CDH18: variants seen among roughly 807,000 people sequenced by gnomAD.
CDH18 encodes cadherin-18.
Under a neutral mutation model 67.9 loss-of-function variants are expected in CDH18, and 31 were observed. The observed-to-expected ratio is 0.46, with a 90% CI of 0.34 to 0.62. CDH18 has a LOEUF of 0.62. CDH18 is among the 20% of genes least tolerant of loss of function. The pLI, the probability that CDH18 is intolerant of heterozygous loss-of-function variation, is 0.01. For synonymous variants in CDH18, 362 were observed against 347.2 expected (o/e 1.04, Z -0.48); for missense variants, 890 against 975.5 (o/e 0.91, Z 1.17).
At chr5:19,851,994 G>T (rs1292450028) in intron 2 of CDH18, among the ~76,000 whole-genome samples, 2 of 152,010 alleles carry the variant, frequency 1.3e-5, no homozygotes, top group Non-Finnish European at 2.9e-5. Flanking sequence ...ATAATTAAAT[G>T]CATCTCAGAA....
At chr5:20,537,939 C>A (rs1756822048) in intron 1 of CDH18, among the ~76,000 whole-genome samples, 1 of 152,076 alleles carries the variant, frequency 6.6e-6, no homozygotes, top group Non-Finnish European at 1.5e-5. Flanking sequence ...TAGCACAAAT[C>A]AATTTTAAAT....
At chr5:19,570,909 G>A (rs1161185853) in intron 8 of CDH18, among the ~76,000 whole-genome samples, 1 of 152,144 alleles carries the variant, frequency 6.6e-6, no homozygotes, top group Non-Finnish European at 1.5e-5. Context: ...TGGAATTTGA[G>A]ATTCCACATG....
chr5:19,476,339 G>T (rs981490866), intron 12 of CDH18, among the ~76,000 whole-genome samples: 1 of 152,016 alleles, frequency 6.6e-6, no homozygotes, highest in South Asian at 2.1e-4. Flanking sequence ...AAATGTTGGT[G>T]CTACACATGC....
At chr5:19,585,385 T>G (rs1386442904) in intron 7 of CDH18, among the ~76,000 whole-genome samples, 1 of 152,112 alleles carries the variant, frequency 6.6e-6, no homozygotes, top group African/African-American at 2.4e-5. Context: ...CAATAGGACT[T>G]AATACACAGG....
chr5:20,338,493 C>A (rs1472080498), intron 1 of CDH18, among the ~76,000 whole-genome samples: 2 of 152,138 alleles, frequency 1.3e-5, no homozygotes, highest in South Asian at 4.1e-4. Context: ...AGGGACCAAG[C>A]CTCTTGCCCC....
At chr5:20,548,840 G>A (rs552212548) in intron 1 of CDH18, among the ~76,000 whole-genome samples, 10 of 152,128 alleles carry the variant, frequency 6.6e-5, no homozygotes, top group Non-Finnish European at 1.2e-4. Flanking sequence ...AGCTATGGGT[G>A]ATGAAGTCTA....
At chr5:19,842,143 G>A (rs914774998) in intron 2 of CDH18, among the ~76,000 whole-genome samples, 8 of 152,190 alleles carry the variant, frequency 5.3e-5, no homozygotes, top group African/African-American at 2.4e-5. Flanking sequence ...TCCATTTTAT[G>A]ACTGAGCAGT....
intron 1 of CDH18, among the ~76,000 whole-genome samples, chr5:20,312,360 T>C (rs1737070260): frequency 6.6e-6 from 1 of 152,188 alleles, no homozygotes; most frequent in African/African-American, 2.4e-5. Flanking sequence ...TAATACATTA[T>C]GGCTTCCTTT....
intron 1 of CDH18, among the ~76,000 whole-genome samples, chr5:20,490,687 G>A (rs1430438885): frequency 1.3e-5 from 2 of 152,116 alleles, no homozygotes; most frequent in East Asian, 1.9e-4. Flanking sequence ...TGGAGTTTGA[G>A]GTCAAGTTCT....
chr5:19,666,076 T>C lies in CDH18; in HGVS notation c.644-53475A>G, dbSNP rs138761764. 9.9e-5 allele frequency among the ~76,000 whole-genome samples: 15 copies of C among 151,584 alleles called. No homozygotes were observed. In the East Asian group the frequency reaches 2.7e-3, roughly 28 times the overall value. On this transcript the variant is annotated intron_variant, in intron 5 of 12. Coordinates refer to ENST00000382275, the MANE Select transcript of CDH18 (RefSeq NM_004934.5). Reference sequence around the variant, plus strand: ...CATCAGTATTTTACAGAAAATAAAATGTATTTTTTTTGACACAGGGTCTTG... The same window carrying C: ...CATCAGTATTTTACAGAAAATAAAACGTATTTTTTTTGACACAGGGTCTTG...
chr5:19,493,845 A>G (rs1238721560), intron 11 of CDH18, among the ~76,000 whole-genome samples: 7 of 152,156 alleles, frequency 4.6e-5, no homozygotes, highest in African/African-American at 1.7e-4. Context: ...CAACAGTTAC[A>G]TAGTCAATAT....
chr5:20,416,893 G>T (rs1000816722), intron 1 of CDH18, among the ~76,000 whole-genome samples: 5 of 152,064 alleles, frequency 3.3e-5, no homozygotes, highest in African/African-American at 9.7e-5. Flanking sequence ...CTTAGGGAAG[G>T]AGGGTAAAAA....
At chr5:20,440,993 G>A (rs1166346847) in intron 1 of CDH18, among the ~76,000 whole-genome samples, 1 of 151,910 alleles carries the variant, frequency 6.6e-6, no homozygotes, top group African/African-American at 2.4e-5. Context: ...ATTTCATTTT[G>A]CATGGAATGA....
At chr5:20,355,366 T>A (rs2150063518) in intron 1 of CDH18, among the ~76,000 whole-genome samples, 1 of 152,336 alleles carries the variant, frequency 6.6e-6, no homozygotes, top group East Asian at 1.9e-4. Context: ...CATGTCTTCT[T>A]CAAAATGTCA....
intron 2 of CDH18, among the ~76,000 whole-genome samples, chr5:20,213,995 T>A (rs145322219): frequency 0.011 from 1,692 of 152,044 alleles, 31 homozygotes; most frequent in African/African-American, 0.038. Context: ...CAAAGTATCA[T>A]GATACAAAAT....
chr5:20,303,144 C>T (rs192467036), intron 1 of CDH18, among the ~76,000 whole-genome samples: 25 of 152,230 alleles, frequency 1.6e-4, no homozygotes, highest in African/African-American at 5.5e-4. Context: ...CTCCCAGGCA[C>T]GTCAATTGGT....
intron 1 of CDH18, among the ~76,000 whole-genome samples, chr5:20,291,174 A>C (rs1195726718): frequency 6.6e-6 from 1 of 152,124 alleles, no homozygotes; most frequent in Non-Finnish European, 1.5e-5. Context: ...CAAGTTTGAA[A>C]TTTCCTGGGA....
intron 2 of CDH18, among the ~76,000 whole-genome samples, chr5:20,102,473 G>GC (rs1357619057): frequency 1.3e-5 from 2 of 152,138 alleles, no homozygotes; most frequent in East Asian, 3.9e-4. Context: ...TGTAACATGT[G>GC]CTATAGGTTG....
intron 2 of CDH18, among the ~76,000 whole-genome samples, chr5:20,163,161 G>C (rs557089866): frequency 6.6e-6 from 1 of 151,924 alleles, no homozygotes; most frequent in Admixed American, 6.6e-5. Context: ...TCTATTTCTT[G>C]AGGTATTTTA....
Sources: allele counts gnomAD v4.1 joint callset (sites outside exome capture counted in the v4.1 genomes callset), GRCh38; gene constraint gnomAD v4.1.1; transcripts MANE v1.5; gene names NCBI Gene and HGNC (gene_info 2026-07-23, HGNC 2026-07-21).